Variants in SNX8 observed in about 807,000 individuals in gnomAD.
SNX8 encodes the protein sorting nexin-8.
A neutral mutation model predicts 51.6 loss-of-function variants in SNX8; 25 were observed. That is an observed-to-expected ratio of 0.48 (90% CI 0.35 to 0.68). The LOEUF (loss-of-function observed/expected upper bound fraction) is 0.68, where lower values mean the gene tolerates loss of function less well. Among genes scored for constraint, SNX8 ranks in the 30% least tolerant of loss-of-function variants. The pLI is 0.00. For missense variants in SNX8, 695 were observed against 624.0 expected (o/e 1.11, Z -1.21); for synonymous variants, 324 against 277.0 (o/e 1.17, Z -1.68).
intron 1 of SNX8, among the ~76,000 whole-genome samples, chr7:2,310,436 C>A (rs1796637369): frequency 1.3e-5 from 2 of 152,092 alleles, no homozygotes; most frequent in Non-Finnish European, 2.9e-5. Flanking sequence ...CCAGCCTGGG[C>A]AACACAGCCA....
At chr7:2,258,896 G>C (rs147599934) in intron 7 of SNX8, among the ~76,000 whole-genome samples, 1 of 152,156 alleles carries the variant, frequency 6.6e-6, no homozygotes, top group Non-Finnish European at 1.5e-5. Flanking sequence ...GCCCCATCAC[G>C]GCAGAGGGAT....
intron 7 of SNX8, among the ~76,000 whole-genome samples, chr7:2,262,734 C>T (rs1016200201): frequency 6.6e-6 from 1 of 152,236 alleles, no homozygotes; most frequent in African/African-American, 2.4e-5. Context: ...AACCCCCTCT[C>T]GAAAGCGTAA....
At chr7:2,286,654 G>A (rs1796036272) in intron 1 of SNX8, among the ~76,000 whole-genome samples, 1 of 151,258 alleles carries the variant, frequency 6.6e-6, no homozygotes, top group East Asian at 2.0e-4. Flanking sequence ...GAGTAGCCGG[G>A]ACTACAGGCG....
At chr7:2,352,641 G>A (rs1460956540) in intron 1 of SNX8, among the ~76,000 whole-genome samples, 6 of 151,846 alleles carry the variant, frequency 4.0e-5, no homozygotes, top group Non-Finnish European at 8.8e-5. Flanking sequence ...GACCATCCTG[G>A]CTAATACGGT....
intron 1 of SNX8, among the ~76,000 whole-genome samples, chr7:2,313,541 A>ATT (rs1266316586): frequency 6.6e-6 from 1 of 150,394 alleles, no homozygotes. Context: ...AAAAAAAAAG[A>ATT]AAAGAAAAGA....
At chr7:2,264,960 G>A (rs771679638) in intron 5 of SNX8, among the ~76,000 whole-genome samples, 2 of 152,118 alleles carry the variant, frequency 1.3e-5, no homozygotes, top group African/African-American at 4.8e-5. Context: ...GCTTGAATCC[G>A]GGAGGCAGAG....
chr7:2,351,792 C>T (rs1779146176), intron 1 of SNX8, among the ~76,000 whole-genome samples: 1 of 151,340 alleles, frequency 6.6e-6, no homozygotes, highest in African/African-American at 2.4e-5. Flanking sequence ...GATAGCACCA[C>T]TGCACTCCAG....
chr7:2,273,023 G>A (rs1451015042), intron 3 of SNX8, among the ~76,000 whole-genome samples: 1 of 151,582 alleles, frequency 6.6e-6, no homozygotes. Flanking sequence ...TATTAGAGAG[G>A]AGGTTTCACC....
chr7:2,263,122 CA>C, intron 7 of SNX8, 107 bp downstream of exon 7: 2 of 1,371,904 alleles, frequency 1.5e-6, no homozygotes, highest in Non-Finnish European at 2.0e-6. Context: ...CTTCTCAAAA[CA>C]ACAAAACAAA....
At chr7:2,302,326 G>A (rs1796416238) in intron 1 of SNX8, among the ~76,000 whole-genome samples, 1 of 152,242 alleles carries the variant, frequency 6.6e-6, no homozygotes, top group African/African-American at 2.4e-5. Context: ...GCCGGTCTCA[G>A]CTCCTAACCG....
chr7:2,335,938 C>T (rs1403711686), intron 1 of SNX8, among the ~76,000 whole-genome samples: 1 of 151,022 alleles, frequency 6.6e-6, no homozygotes, highest in East Asian at 1.9e-4. Flanking sequence ...CCCATCTCTA[C>T]TAAAATTGCT....
chr7:2,287,220 C>A (rs1405656239), intron 1 of SNX8, among the ~76,000 whole-genome samples: 1 of 150,616 alleles, frequency 6.6e-6, no homozygotes, highest in African/African-American at 2.4e-5. Context: ...TGGGCTCAAG[C>A]AATCCAGCCT....
In SNX8 at chr7:2,314,381, A is replaced by G; in HGVS notation, c.41T>C (p.Val14Ala). Residue 14 changes from valine (V) to alanine (A), a missense_variant, in exon 1 of 11, where the codon GTC becomes GCC. Physicochemically the swap from Val to Ala is moderately conservative, Grantham distance 64 (BLOSUM62 0). Coordinates refer to ENST00000222990, the MANE Select transcript of SNX8 (RefSeq NM_013321.4). ...AGCCTCCGCCTCAGCTGCCGCCCCG[A>G]CTGCAGCCGCGGGCAGCGGGTCCAT... ...RAMDPLPAAA[V>A]GAAAEAEADE... 1 of 1,222,158 alleles carries G rather than the reference A, an allele frequency of 8.2e-7. No individual in the cohort carries two copies. The highest frequency in any genetic ancestry group is 1.0e-6 in the Non-Finnish European group (1 of 981,464). The allele number at this position is 1,222,158 out of a possible 1,614,324, so 75.7% of individuals were successfully genotyped here.
intron 1 of SNX8, among the ~76,000 whole-genome samples, chr7:2,303,348 G>A (rs951671543): frequency 4.0e-5 from 6 of 150,544 alleles, no homozygotes; most frequent in African/African-American, 1.2e-4. Flanking sequence ...TCAGCCCCCC[G>A]CCCAGCCAGC....
intron 1 of SNX8, among the ~76,000 whole-genome samples, chr7:2,352,673 A>C (rs1229037242): frequency 2.0e-5 from 3 of 151,968 alleles, no homozygotes; most frequent in Non-Finnish European, 2.9e-5. Flanking sequence ...TCTACTAAAA[A>C]AATACAAAAA....
At chr7:2,335,264 A>G (rs1778806597) in intron 1 of SNX8, among the ~76,000 whole-genome samples, 1 of 152,158 alleles carries the variant, frequency 6.6e-6, no homozygotes, top group African/African-American at 2.4e-5. Context: ...CAGCCAACGG[A>G]TAAACAAATT....
chr7:2,312,331 G>A (rs1203653290), intron 1 of SNX8, among the ~76,000 whole-genome samples: 3 of 152,092 alleles, frequency 2.0e-5, no homozygotes, highest in African/African-American at 4.8e-5. Context: ...CACCTGCAGA[G>A]GACCCCTCCA....
At chr7:2,257,541 C>G in intron 8 of SNX8, 27 bp from the exon 9 acceptor site, 2 of 1,599,516 alleles carry the variant, frequency 1.3e-6, no homozygotes, top group Non-Finnish European at 8.5e-7. Context: ...GGCATTCGCC[C>G]GCTGTCTGGA....
chr7:2,326,880 CA>C (rs1358241870), intron 1 of SNX8, among the ~76,000 whole-genome samples: 2 of 152,128 alleles, frequency 1.3e-5, no homozygotes, highest in East Asian at 3.9e-4. Flanking sequence ...CCGAGGCAGG[CA>C]GATCACTTGA....
Sources: gnomAD v4.1 joint callset for allele counts (sites outside exome capture counted in the v4.1 genomes callset) on GRCh38, gnomAD v4.1.1 for gene constraint, MANE v1.5 for transcripts, NCBI Gene and HGNC (gene_info 2026-07-23, HGNC 2026-07-21) for gene names.